GSE1: variants seen among roughly 807,000 people sequenced by gnomAD.
GSE1 encodes Gse1 coiled-coil protein.
Under a neutral mutation model 112.6 loss-of-function variants are expected in GSE1, and 32 were observed. The ratio of observed to expected loss-of-function variants is 0.28; its 90% CI spans 0.21 to 0.38. The LOEUF (loss-of-function observed/expected upper bound fraction) is 0.38. Ranked by LOEUF, GSE1 falls within the 10% of genes least tolerant of loss-of-function variation. The pLI is 1.00. For synonymous variants in GSE1, 1,115 were observed against 735.6 expected (o/e 1.52, Z -8.35); for missense variants, 2,348 against 1,699.2 (o/e 1.38, Z -6.71).
intron 2 of GSE1, among the ~76,000 whole-genome samples, chr16:85,504,887 C>T (rs777519623): frequency 1.1e-4 from 16 of 152,128 alleles, no homozygotes; most frequent in Non-Finnish European, 1.8e-4. Context: ...CTTGGCCTTG[C>T]TTGTTGGTGC....
chr16:85,236,024 G>GGCTGGT (rs895537066), intron 1 of GSE1, among the ~76,000 whole-genome samples: 2 of 150,188 alleles, frequency 1.3e-5, no homozygotes, highest in African/African-American at 4.9e-5. Context: ...CTGGGGCTGC[G>GGCTGGT]GCTGGGGCTG....
chr16:85,171,965 C>A (rs951784821), intron 1 of GSE1, among the ~76,000 whole-genome samples: 16 of 152,172 alleles, frequency 1.1e-4, no homozygotes, highest in African/African-American at 3.4e-4. Flanking sequence ...AGTCACTGGG[C>A]TGGTGCTTGG....
At chr16:85,569,340 A>T (rs2045887051) in intron 1 of GSE1, among the ~76,000 whole-genome samples, 1 of 152,146 alleles carries the variant, frequency 6.6e-6, no homozygotes, top group East Asian at 1.9e-4. Flanking sequence ...GTAGCTCTTT[A>T]TTTAGTAGCT....
chr16:85,371,842 C>A (rs1057004712), intron 2 of GSE1, among the ~76,000 whole-genome samples: 1 of 152,192 alleles, frequency 6.6e-6, no homozygotes, highest in Non-Finnish European at 1.5e-5. Flanking sequence ...CGGATGGTGC[C>A]AAGCCTAGAA....
chr16:85,255,586 A>G (rs550396596), intron 1 of GSE1, among the ~76,000 whole-genome samples: 1 of 150,630 alleles, frequency 6.6e-6, no homozygotes, highest in Non-Finnish European at 1.5e-5. Context: ...TAATTTTTGT[A>G]GTTTTAGAGG....
chr16:85,367,324 A>ACAT (rs1254922742), intron 2 of GSE1, among the ~76,000 whole-genome samples: 8 of 152,164 alleles, frequency 5.3e-5, no homozygotes, highest in African/African-American at 1.9e-4. Flanking sequence ...CTGCCGCTAC[A>ACAT]ATGCCGTATG....
chr16:85,236,957 A>T (rs1303623773), intron 1 of GSE1, among the ~76,000 whole-genome samples: 1 of 152,204 alleles, frequency 6.6e-6, no homozygotes, highest in East Asian at 1.9e-4. Flanking sequence ...CCCTGAGTGC[A>T]TTTATGACCA....
chr16:85,232,973 G>A (rs530176682), intron 1 of GSE1, among the ~76,000 whole-genome samples: 1 of 152,394 alleles, frequency 6.6e-6, no homozygotes, highest in African/African-American at 2.4e-5. Flanking sequence ...GGGCCACGTG[G>A]GCGTCAAGGT....
intron 1 of GSE1, among the ~76,000 whole-genome samples, chr16:85,626,138 G>A (rs1305954555): frequency 2.6e-5 from 4 of 151,484 alleles, no homozygotes; most frequent in African/African-American, 9.7e-5. Flanking sequence ...GTTTTTATTT[G>A]GAAAAAAAAA....
At chr16:85,191,346 A>G (rs979369328) in intron 1 of GSE1, among the ~76,000 whole-genome samples, 1 of 152,236 alleles carries the variant, frequency 6.6e-6, no homozygotes, top group Admixed American at 6.5e-5. Flanking sequence ...TTTAAAGTGT[A>G]CAATTCAATG....
At chr16:85,325,061 G>A (rs1176013462) in intron 1 of GSE1, among the ~76,000 whole-genome samples, 3 of 152,038 alleles carry the variant, frequency 2.0e-5, no homozygotes, top group Non-Finnish European at 4.4e-5. Context: ...TCGACCTCCT[G>A]GACTCACTTG....
Position 85,475,776 on chromosome 16 carries a change from CTTT to C in GSE1, c.2464+118155_2464+118157del, listed in dbSNP as rs57562071. Among the ~76,000 whole-genome samples the C allele has an allele frequency of 8.8e-4, 129 of 145,880 alleles. 2 individuals are homozygous for C. The highest frequency in any genetic ancestry group is 2.2e-3 in the East Asian group (11 of 4,892). ...GGGAATGTTTCTTCTAATTGTTTTT[CTTT>C]TTTTTTTTTTTTTTTTTTTTTAATA... On this transcript the variant is annotated intron_variant, in intron 2 of 2. Coordinates refer to the GSE1 transcript ENST00000637419.
intron 1 of GSE1, among the ~76,000 whole-genome samples, chr16:85,223,673 C>T (rs991759849): frequency 4.0e-5 from 6 of 151,762 alleles, no homozygotes; most frequent in South Asian, 2.1e-4. Context: ...GGCGTGATCT[C>T]GGCTCACTGC....
At chr16:85,257,721 G>C (rs1345460365) in intron 1 of GSE1, among the ~76,000 whole-genome samples, 1 of 152,206 alleles carries the variant, frequency 6.6e-6, no homozygotes, top group Non-Finnish European at 1.5e-5. Context: ...TGAGGTGAGA[G>C]AATCACTTGA....
intron 1 of GSE1, among the ~76,000 whole-genome samples, chr16:85,577,834 A>C (rs568272601): frequency 6.6e-6 from 1 of 152,312 alleles, no homozygotes; most frequent in South Asian, 2.1e-4. Context: ...TTTCCACTCC[A>C]GTCCTCCAGG....
intron 2 of GSE1, among the ~76,000 whole-genome samples, chr16:85,496,038 T>A (rs1043283385): frequency 1.3e-5 from 2 of 152,154 alleles, no homozygotes; most frequent in African/African-American, 2.4e-5. Flanking sequence ...GGGAATCGAT[T>A]GTTCTGCAAG....
intron 1 of GSE1, among the ~76,000 whole-genome samples, chr16:85,614,044 C>A (rs1484761952): frequency 6.6e-6 from 1 of 151,488 alleles, no homozygotes; most frequent in Non-Finnish European, 1.5e-5. Flanking sequence ...CCGCTTCTCT[C>A]CTCTCTCTCC....
At chr16:85,424,836 C>G (rs769697678) in intron 2 of GSE1, among the ~76,000 whole-genome samples, 60 of 152,270 alleles carry the variant, frequency 3.9e-4, no homozygotes, top group Non-Finnish European at 3.2e-4. Context: ...CCAGCGCTGC[C>G]CGCGCAGCTG....
At chr16:85,526,021 C>G (rs2052353734) in intron 2 of GSE1, among the ~76,000 whole-genome samples, 1 of 152,206 alleles carries the variant, frequency 6.6e-6, no homozygotes. Context: ...CAGCAAGGGT[C>G]CTGGGACCGT....
Sources: gnomAD v4.1 joint callset for allele counts (sites outside exome capture counted in the v4.1 genomes callset) on GRCh38, gnomAD v4.1.1 for gene constraint, MANE v1.5 for transcripts, NCBI Gene and HGNC (gene_info 2026-07-23, HGNC 2026-07-21) for gene names.